RSRC1: variants seen among roughly 807,000 people sequenced by gnomAD.
The protein encoded by RSRC1 is arginine and serine rich coiled-coil 1.
A neutral mutation model predicts 49.1 loss-of-function variants in RSRC1; 39 were observed. That is an observed-to-expected ratio of 0.79 (90% CI 0.61 to 1.04). The LOEUF (loss-of-function observed/expected upper bound fraction) is 1.04, where lower values mean the gene tolerates loss of function less well. RSRC1 is among the 50% of genes least tolerant of loss of function. RSRC1 has a pLI of 0.00. For synonymous variants in RSRC1, 143 were observed against 130.8 expected (o/e 1.09, Z -0.63); for missense variants, 388 against 402.4 (o/e 0.96, Z 0.31).
chr3:158,212,226 TAATTA>T (rs957591608), intron 4 of RSRC1, among the ~76,000 whole-genome samples: 8 of 151,938 alleles, frequency 5.3e-5, no homozygotes, highest in African/African-American at 1.9e-4. Context: ...TGATTTTAGG[TAATTA>T]AATCCAGCTT....
chr3:158,486,331 T>C (rs1302351251), intron 7 of RSRC1, among the ~76,000 whole-genome samples: 2 of 152,168 alleles, frequency 1.3e-5, no homozygotes, highest in African/African-American at 2.4e-5. Context: ...ACTGCCTTGC[T>C]ATTTCATTCA....
chr3:158,503,244 A>G (rs896119915), intron 7 of RSRC1, among the ~76,000 whole-genome samples: 1 of 152,208 alleles, frequency 6.6e-6, no homozygotes, highest in Non-Finnish European at 1.5e-5. Context: ...TAAATCATCT[A>G]TGGGTCCCTC....
chr3:158,439,690 G>A (rs552549718), intron 6 of RSRC1, among the ~76,000 whole-genome samples: 5 of 152,238 alleles, frequency 3.3e-5, no homozygotes, highest in Middle Eastern at 3.4e-3. Flanking sequence ...GAGAGGGATA[G>A]CATTAGGAGA....
intron 4 of RSRC1, among the ~76,000 whole-genome samples, chr3:158,203,981 G>T (rs1302521757): frequency 6.6e-6 from 1 of 152,050 alleles, no homozygotes; most frequent in Non-Finnish European, 1.5e-5. Flanking sequence ...TGTAATTGGG[G>T]TCTTTTATTC....
chr3:158,394,923 C>T (rs1317551357), intron 6 of RSRC1, among the ~76,000 whole-genome samples: 1 of 152,106 alleles, frequency 6.6e-6, no homozygotes, highest in Non-Finnish European at 1.5e-5. Context: ...CTTCACATTA[C>T]CCAACTTCAG....
chr3:158,411,146 A>G (rs978234426), intron 6 of RSRC1, among the ~76,000 whole-genome samples: 4 of 152,100 alleles, frequency 2.6e-5, no homozygotes, highest in South Asian at 2.1e-4. Context: ...GTGCTATATA[A>G]TATTTCATTT....
At chr3:158,318,526 TGTAGCA>T (rs1475569492) in intron 5 of RSRC1, among the ~76,000 whole-genome samples, 1 of 152,230 alleles carries the variant, frequency 6.6e-6, no homozygotes, top group Non-Finnish European at 1.5e-5. Flanking sequence ...CCCCAAGTTC[TGTAGCA>T]GTTTTCAAGA....
chr3:158,188,463 A>G (rs1720049790), intron 3 of RSRC1, among the ~76,000 whole-genome samples: 3 of 151,940 alleles, frequency 2.0e-5, no homozygotes, highest in African/African-American at 7.2e-5. Context: ...CACATCCACC[A>G]GGCTTTTGTT....
chr3:158,420,433 G>C (rs1734977727), intron 6 of RSRC1, among the ~76,000 whole-genome samples: 1 of 151,910 alleles, frequency 6.6e-6, no homozygotes, highest in Non-Finnish European at 1.5e-5. Flanking sequence ...TATGATCTCT[G>C]ATTAGCAATG....
rs756776025 is a variant in RSRC1 at position 158,470,361 on chromosome 3, C to CACACATAT, written c.652+9359_652+9360insCACATATA. On this transcript the variant is annotated intron_variant, in intron 7 of 9. Transcript: ENST00000611884. ...ACACACACACACACACACACACACA[C>CACACATAT]ATATATATATATATATATAAAACCA... Among the ~76,000 whole-genome samples, 807 of 100,248 alleles carry CACACATAT rather than the reference C, an allele frequency of 8.1e-3. 7 individuals carry two copies. Among genetic ancestry groups the CACACATAT allele is most frequent in the South Asian group, 0.037 (111 of 2,960 alleles). 65.8% of individuals were successfully genotyped at this position (100,248 alleles called of 152,430 possible).
At chr3:158,436,138 T>G (rs1215672915) in intron 6 of RSRC1, among the ~76,000 whole-genome samples, 1 of 151,956 alleles carries the variant, frequency 6.6e-6, no homozygotes, top group Non-Finnish European at 1.5e-5. Flanking sequence ...TAATGAGCCA[T>G]GTCTGATATG....
At chr3:158,169,550 AT>A (rs933189358) in intron 3 of RSRC1, among the ~76,000 whole-genome samples, 11 of 152,118 alleles carry the variant, frequency 7.2e-5, no homozygotes, top group African/African-American at 2.7e-4. Flanking sequence ...CAGTTGACAG[AT>A]TATATTCTCT....
chr3:158,135,394 C>T (rs1443968228), intron 3 of RSRC1, among the ~76,000 whole-genome samples: 3 of 151,422 alleles, frequency 2.0e-5, no homozygotes, highest in East Asian at 3.9e-4. Context: ...CTCAGCCTCC[C>T]GAGTAGCTGG....
chr3:158,538,358 C>T (rs184902801), intron 8 of RSRC1, among the ~76,000 whole-genome samples: 153 of 151,928 alleles, frequency 1.0e-3, no homozygotes, highest in Admixed American at 2.9e-3. Context: ...GATAGTTTGC[C>T]ACCACAACTC....
At chr3:158,234,415 TA>T (rs1167734850) in intron 4 of RSRC1, among the ~76,000 whole-genome samples, 1 of 152,168 alleles carries the variant, frequency 6.6e-6, no homozygotes, top group Non-Finnish European at 1.5e-5. Flanking sequence ...TGAAGATATA[TA>T]AAAAACATTA....
At chr3:158,290,353 A>G (rs1194030085) in intron 4 of RSRC1, among the ~76,000 whole-genome samples, 2 of 151,968 alleles carry the variant, frequency 1.3e-5, no homozygotes, top group Non-Finnish European at 2.9e-5. Flanking sequence ...GCTCACTGCA[A>G]GCTCCGCCTC....
intron 4 of RSRC1, among the ~76,000 whole-genome samples, chr3:158,211,287 A>G (rs2108288398): frequency 6.6e-6 from 1 of 152,092 alleles, no homozygotes; most frequent in South Asian, 2.1e-4. Flanking sequence ...GGAGCTACTG[A>G]GGGATGATTG....
chr3:158,337,192 C>T (rs771380031), intron 5 of RSRC1, among the ~76,000 whole-genome samples: 1 of 152,238 alleles, frequency 6.6e-6, no homozygotes, highest in African/African-American at 2.4e-5. Context: ...ACGCGGAGAG[C>T]GAAGACATTC....
intron 4 of RSRC1, among the ~76,000 whole-genome samples, chr3:158,278,798 T>A (rs754345897): frequency 2.6e-5 from 4 of 152,214 alleles, no homozygotes; most frequent in Non-Finnish European, 5.9e-5. Context: ...ACTCAGAAAC[T>A]CATTTTTATT....
Sources: gnomAD v4.1 joint callset for allele counts (sites outside exome capture counted in the v4.1 genomes callset) on GRCh38, gnomAD v4.1.1 for gene constraint, MANE v1.5 for transcripts, NCBI Gene and HGNC (gene_info 2026-07-23, HGNC 2026-07-21) for gene names.